ACO1: variants seen among roughly 807,000 people sequenced by gnomAD.
The protein encoded by ACO1 is aconitase 1, also known as cytoplasmic aconitate hydratase.
A neutral mutation model predicts 105.1 loss-of-function variants in ACO1; 78 were observed. The observed-to-expected ratio is 0.74, with a 90% CI of 0.62 to 0.90. The LOEUF is 0.90. Among genes scored for constraint, ACO1 ranks in the 40% least tolerant of loss-of-function variants. The pLI is 0.00. For missense variants in ACO1, 965 were observed against 1,111.1 expected (o/e 0.87, Z 1.87); for synonymous variants, 364 against 397.4 (o/e 0.92, Z 1.00).
chr9:32,390,120 C>T (rs918639431), intron 1 of ACO1, among the ~76,000 whole-genome samples: 1 of 152,200 alleles, frequency 6.6e-6, no homozygotes, highest in Non-Finnish European at 1.5e-5. Flanking sequence ...TTTTCTTCAA[C>T]ATCACCTCTT....
At chr9:32,414,615 T>C (rs1563935375) in intron 4 of ACO1, among the ~76,000 whole-genome samples, 1 of 152,182 alleles carries the variant, frequency 6.6e-6, no homozygotes, top group Non-Finnish European at 1.5e-5. Flanking sequence ...TAAACATTCC[T>C]CCGTCAATCA....
At chr9:32,423,452 C>A in intron 9 of ACO1, 33 bp downstream of exon 9, 1 of 1,420,134 alleles carries the variant, frequency 7.0e-7, no homozygotes, top group Non-Finnish European at 9.7e-7. Flanking sequence ...GCATGTATTT[C>A]CTCTTCCTCA....
Position 32,403,882 on chromosome 9 carries a change from G to C in ACO1, c.-22-1603G>C, listed in dbSNP as rs77626111. On this transcript the variant is annotated intron_variant, in intron 1 of 20. Transcript: ENST00000309951. ...GCAAAACAGCAGTTTTATTGTTGCA[G>C]TTGCTACTGTTTGAGGGTGAAAAAG... Among the ~76,000 whole-genome samples, 144 of 152,304 alleles carry C rather than the reference G, an allele frequency of 9.5e-4. 1 individual carries two copies. Among genetic ancestry groups the C allele is most frequent in the Non-Finnish European group, 1.4e-3 (96 of 68,038 alleles).
At chr9:32,426,058 A>G (rs1361175504) in intron 11 of ACO1, 61 bp downstream of exon 11, 18 of 1,568,876 alleles carry the variant, frequency 1.1e-5, no homozygotes, top group Non-Finnish European at 1.5e-5. Flanking sequence ...ATAGCCCGAG[A>G]CAGGGCCCAG....
At chr9:32,432,202 T>C (rs1822254491) in intron 15 of ACO1, among the ~76,000 whole-genome samples, 1 of 152,088 alleles carries the variant, frequency 6.6e-6, no homozygotes, top group African/African-American at 2.4e-5. Flanking sequence ...GTGGAGTCCA[T>C]TGGTCGAATG....
intron 16 of ACO1, 59 bp downstream of exon 16, chr9:32,433,891 A>G: frequency 7.7e-6 from 10 of 1,298,800 alleles, no homozygotes; most frequent in Non-Finnish European, 9.8e-6. Flanking sequence ...TCCTAATAAT[A>G]TCTACTTTAT....
At chr9:32,412,242 G>T (rs2118432065) in intron 4 of ACO1, among the ~76,000 whole-genome samples, 1 of 152,260 alleles carries the variant, frequency 6.6e-6, no homozygotes, top group African/African-American at 2.4e-5. Context: ...TGATCACATT[G>T]TAGCTCAACG....
chr9:32,440,394 C>G, intron 18 of ACO1, 71 bp from the exon 19 acceptor site: 2 of 1,595,304 alleles, frequency 1.3e-6, no homozygotes, highest in South Asian at 2.2e-5. Context: ...CCGCCCTCAC[C>G]AGGGCTCAGG....
At chr9:32,390,974 G>C (rs557880589) in intron 1 of ACO1, among the ~76,000 whole-genome samples, 12 of 152,140 alleles carry the variant, frequency 7.9e-5, no homozygotes, top group Non-Finnish European at 1.6e-4. Context: ...TATTGGATAA[G>C]AGTGATTCTT....
intron 1 of ACO1, among the ~76,000 whole-genome samples, chr9:32,400,947 GTTTT>G (rs10713644): frequency 7.0e-6 from 1 of 143,594 alleles, no homozygotes; most frequent in East Asian, 2.0e-4. Flanking sequence ...TGGTCTTGAA[GTTTT>G]TTTTTTTTTT....
At chr9:32,393,807 A>G (rs1240201642) in intron 1 of ACO1, among the ~76,000 whole-genome samples, 1 of 152,190 alleles carries the variant, frequency 6.6e-6, no homozygotes, top group African/African-American at 2.4e-5. Flanking sequence ...ATTTCACCCA[A>G]TACATAACTC....
At chr9:32,434,010 C>G (rs570805306) in intron 16 of ACO1, among the ~76,000 whole-genome samples, 178 bp downstream of exon 16, 1 of 152,250 alleles carries the variant, frequency 6.6e-6, no homozygotes, top group East Asian at 1.9e-4. Flanking sequence ...TGCCGTGGGT[C>G]TATAGTTTCT....
rs1181859135 is a variant in ACO1 at position 32,405,484 on chromosome 9, G to A, written c.-22-1G>A. ...ATTTAAATGTTCTCTTTTCTTTTCA[G>A]GAACACGTGGCCATCAGTAATCATG... On this transcript the variant is annotated splice_acceptor_variant, in intron 1 of 20. Coordinates refer to ENST00000309951, the MANE Select transcript of ACO1 (RefSeq NM_002197.3). LOFTEE classifies it low-confidence loss of function (5UTR_SPLICE). The A allele has an allele frequency of 6.4e-7, 1 of 1,559,662 alleles. No individual in the cohort carries two copies. The highest frequency in any genetic ancestry group is 1.4e-5 in the African/African-American group (1 of 73,720).
At chr9:32,446,219 C>T (rs1822602959) in intron 19 of ACO1, among the ~76,000 whole-genome samples, 1 of 152,114 alleles carries the variant, frequency 6.6e-6, no homozygotes, top group South Asian at 2.1e-4. Context: ...TAAAGTCTCC[C>T]ACTATTATTG....
At position 32,431,732 on chromosome 9, in the gene ACO1, G is replaced by C. The variant is rs1171616963; in HGVS notation, c.1740G>C (p.Lys580Asn). Residue 580 changes from lysine (K) to asparagine (N), a missense_variant, in exon 15 of 21, where the codon AAG (lysine) becomes AAC (asparagine). Coordinates refer to ENST00000309951, the MANE Select transcript of ACO1 (RefSeq NM_002197.3). ...TTTTTTCCCCAGGAGTAAATGCAAA[G>C]GGACAGCAGGTATTTCTGAAAGATA... ...FEKEPLGVNA[K>N]GQQVFLKDIW... is the part of the protein sequence containing the mutation. The C allele has an allele frequency of 6.2e-7, 1 of 1,614,074 alleles. No homozygotes were observed.
chr9:32,447,877 C>T (rs984657926), intron 19 of ACO1, among the ~76,000 whole-genome samples: 46 of 152,192 alleles, frequency 3.0e-4, no homozygotes, highest in South Asian at 1.4e-3. Context: ...ACCCTGTTTG[C>T]CTGGGTATCA....
At position 32,430,413 on chromosome 9, in the gene ACO1, C is replaced by T; in HGVS notation, c.1570-5C>T. ...GTGACCTGATTTTTCTCTTGCCTTA[C>T]TCAGGGAGACCTTGTAGCTGTTGGA... On this transcript the variant is annotated splice_region_variant and splice_polypyrimidine_tract_variant and intron_variant, in intron 13 of 20. Transcript: ENST00000309951. 1.2e-6 allele frequency: 2 copies of T among 1,605,682 alleles called. No individual in the cohort carries two copies. The highest frequency in any genetic ancestry group is 2.2e-5 in the South Asian group (2 of 89,076).
In ACO1 at chr9:32,401,847, A is replaced by T. The variant is rs531324221; in HGVS notation, c.-22-3638A>T. 4.6e-5 allele frequency among the ~76,000 whole-genome samples: 7 copies of T among 152,178 alleles called. No homozygotes were observed. The East Asian group carries it at 1.2e-3, about 25-fold the overall frequency. ...TCTGGTGTTCAGACTGTCCATGCCC[A>T]CCCCCGTTCTTGCATGCAGAGTGTA... On this transcript the variant is annotated intron_variant, in intron 1 of 20. Coordinates refer to ENST00000309951, the MANE Select transcript of ACO1 (RefSeq NM_002197.3).
At chr9:32,407,139 C>A in intron 2 of ACO1, 122 bp from the exon 3 acceptor site, 1 of 904,626 alleles carries the variant, frequency 1.1e-6, no homozygotes, top group South Asian at 1.6e-5. Flanking sequence ...GGTCACTTTA[C>A]CCTCTTTCCT....
Sources: allele counts gnomAD v4.1 joint callset (sites outside exome capture counted in the v4.1 genomes callset), GRCh38; gene constraint gnomAD v4.1.1; transcripts MANE v1.5; gene names NCBI Gene and HGNC (gene_info 2026-07-23, HGNC 2026-07-21).